TDRD15: variants seen among roughly 807,000 people sequenced by gnomAD.
TDRD15 encodes tudor domain containing 15.
For synonymous variants in TDRD15, 503 were observed against 314.5 expected, an observed-to-expected ratio of 1.60 and a Z score of -6.34; for missense variants, 1,416 against 904.7, an observed-to-expected ratio of 1.57 and a Z score of -7.25.
At position 21,143,402 on chromosome 2, in the gene TDRD15, T is replaced by G; in HGVS notation, c.*130T>G. ...AAGAGGAAAGATGTCTGTAAGAACC[T>G]CTTAAGGAAAATTCGTATTAGTAAA... On this transcript the variant is annotated 3_prime_UTR_variant, in exon 4 of 4. Transcript: ENST00000405799. 2 of 456,274 alleles carry G rather than the reference T, an allele frequency of 4.4e-6. No homozygotes were observed. The highest frequency in any genetic ancestry group is 6.8e-5 in the East Asian group (2 of 29,582). The allele number at this position is 456,274 out of a possible 1,614,324, so 28.3% of individuals were successfully genotyped here. A position where few individuals can be genotyped will look rare whatever the true frequency, so the allele number is the denominator to read the frequency against.
In TDRD15 at chr2:21,140,522, A is replaced by G. The variant is rs569495116; in HGVS notation, c.3055A>G (p.Ile1019Val). ...KYDSNKMRVC[I>V]SKYVEDGLSY... ...TGATTCTAATAAAATGAGAGTGTGC[A>G]TATCTAAGTATGTAGAGGATGGTCT... Residue 1019 changes from isoleucine to valine, a missense_variant, in exon 4 of 4, where the codon ATA becomes GTA. Transcript: ENST00000405799. 2.9e-6 allele frequency: 2 copies of G among 695,048 alleles called. No individual in the cohort carries two copies. The highest frequency in any genetic ancestry group is 5.3e-6 in the Non-Finnish European group (2 of 377,472). The allele number at this position is 695,048 out of a possible 1,614,324, so 43.1% of individuals were successfully genotyped here.
chr2:21,143,758 CT>C lies in TDRD15; in HGVS notation c.*487del, dbSNP rs1466906168. The stretch of plus-strand genomic sequence containing the variant: ...TGATTCTTTAAAAGTTTTTCATGTA[CT>C]AACATCCAAATTGAAAATATGTTGC... On this transcript the variant is annotated 3_prime_UTR_variant, in exon 4 of 4. Coordinates refer to ENST00000405799, the MANE Select transcript of TDRD15 (RefSeq NM_001306137.2). 6.6e-6 allele frequency among the ~76,000 whole-genome samples: 1 copy of C among 151,608 alleles called. No individual in the cohort carries two copies. Among genetic ancestry groups the C allele is most frequent in the Non-Finnish European group, 1.5e-5 (1 of 67,680 alleles).
rs1665529775 is a variant in TDRD15, at chr2:21,124,029, C to T, written c.-218C>T. ...CCAGCTCTGGGAAGAGCGGCCTGAC[C>T]CGCAGCAGAGATTCTTGGTAAACCC... is the stretch of plus-strand genomic sequence containing the variant. On this transcript the variant is annotated 5_prime_UTR_variant, in exon 1 of 4. Transcript: ENST00000405799. The T allele has an allele frequency of 1.3e-5, 2 of 152,348 alleles. No homozygotes were observed. Among genetic ancestry groups the T allele is most frequent in the African/African-American group, 4.8e-5 (2 of 41,422 alleles). 9.4% of individuals were successfully genotyped at this position (152,348 alleles called of 1,614,324 possible).
At chr2:21,124,760 CA>C (rs1195997490) in intron 1 of TDRD15, among the ~76,000 whole-genome samples, 5 of 96,052 alleles carry the variant, frequency 5.2e-5, no homozygotes. Flanking sequence ...GTGTGTGTGA[CA>C]GGGTGATCCT....
chr2:21,139,703 C>T lies in TDRD15; in HGVS notation c.2236C>T (p.Pro746Ser). 1 of 714,836 alleles carries T rather than the reference C, an allele frequency of 1.4e-6. No homozygotes were observed. Among genetic ancestry groups the T allele is most frequent in the Middle Eastern group, 2.3e-4 (1 of 4,342 alleles). 44.3% of individuals were successfully genotyped at this position (714,836 alleles called of 1,614,324 possible). A position where few individuals can be genotyped will look rare whatever the true frequency, so the allele number is the denominator to read the frequency against. The part of the protein sequence containing the change: ...TLSVGPESSW[P>S]YKEYIFRPGT... ...GTCTGTGGGACCTGAGTCATCCTGG[C>T]CTTATAAAGAATATATTTTTAGACC... Residue 746 changes from proline to serine, a missense_variant, in exon 4 of 4, where the codon CCT (proline) becomes TCT (serine). Coordinates refer to ENST00000405799, the MANE Select transcript of TDRD15 (RefSeq NM_001306137.2).
At chr2:21,135,963 G>A (rs1033577333) in intron 3 of TDRD15, among the ~76,000 whole-genome samples, 1 of 151,958 alleles carries the variant, frequency 6.6e-6, no homozygotes. Flanking sequence ...TACCACCTCT[G>A]TTTAATGAAG....
At chr2:21,133,626 A>T (rs1373773569) in intron 2 of TDRD15, among the ~76,000 whole-genome samples, 1 of 152,128 alleles carries the variant, frequency 6.6e-6, no homozygotes, top group Non-Finnish European at 1.5e-5. Flanking sequence ...AGATCAGTTA[A>T]ACTAGTGTAC....
In TDRD15 at chr2:21,142,550, C is replaced by G; in HGVS notation, c.5083C>G (p.Pro1695Ala). Reference protein sequence around the residue: ...LLEYLNLNTVPVEENKLRLAE... With the variant: ...LLEYLNLNTVAVEENKLRLAE... ...GGAATACTTAAATTTGAATACAGTT[C>G]CTGTTGAAGAAAACAAACTTAGACT... Residue 1695 changes from proline (P) to alanine (A), a missense_variant, in exon 4 of 4, where the codon CCT (proline) becomes GCT (alanine). Coordinates refer to ENST00000405799, the MANE Select transcript of TDRD15 (RefSeq NM_001306137.2). 1 of 705,422 alleles carries G rather than the reference C, an allele frequency of 1.4e-6. No homozygotes were observed. The highest frequency in any genetic ancestry group is 2.6e-6 in the Non-Finnish European group (1 of 380,914). 43.7% of individuals were successfully genotyped at this position (705,422 alleles called of 1,614,324 possible).
At chr2:21,145,002 A>G (rs1030816554), downstream of TDRD15, among the ~76,000 whole-genome samples, 4 of 151,880 alleles carry the variant, frequency 2.6e-5, no homozygotes, top group Non-Finnish European at 5.9e-5. Flanking sequence ...AGGCTAATCT[A>G]ACATATGTCT....
downstream of TDRD15, among the ~76,000 whole-genome samples, chr2:21,145,071 G>A (rs1199365488): frequency 6.6e-6 from 1 of 151,912 alleles, no homozygotes; most frequent in East Asian, 1.9e-4. Flanking sequence ...TAAGTCAGAA[G>A]AGCAAAGAGG....
At chr2:21,146,035 G>A (rs757414949), downstream of TDRD15, among the ~76,000 whole-genome samples, 1 of 152,010 alleles carries the variant, frequency 6.6e-6, no homozygotes, top group Non-Finnish European at 1.5e-5. Context: ...ACTAATGGGT[G>A]TTTAAAGCTC....
At chr2:21,127,961 G>A (rs950302326) in intron 2 of TDRD15, among the ~76,000 whole-genome samples, 1 of 152,052 alleles carries the variant, frequency 6.6e-6, no homozygotes, top group African/African-American at 2.4e-5. Flanking sequence ...AATTTTGTAA[G>A]TGTTTCAACA....
rs1038936158 is a variant in TDRD15, at chr2:21,138,649, G to C, written c.1182G>C (p.Glu394Asp). The C allele has an allele frequency of 1.4e-6, 1 of 714,684 alleles. No homozygotes were observed. Among genetic ancestry groups the C allele is most frequent in the Non-Finnish European group, 2.6e-6 (1 of 383,852 alleles). 44.3% of individuals were successfully genotyped at this position (714,684 alleles called of 1,614,324 possible). ...ACATTGATTGGTTCAATAAGGATGA[G>C]TGTTTGTATTATGTGACATTACAAA... ...YAHIDWFNKD[E>D]CLYYVTLQTQ... Residue 394 changes from glutamate (E) to aspartate (D), a missense_variant, in exon 4 of 4, where the codon GAG becomes GAC. By Grantham distance (45) the Glu-to-Asp change is conservative. Coordinates refer to ENST00000405799, the MANE Select transcript of TDRD15 (RefSeq NM_001306137.2).
At chr2:21,144,656 G>T (rs1666004670), downstream of TDRD15, among the ~76,000 whole-genome samples, 1 of 151,818 alleles carries the variant, frequency 6.6e-6, no homozygotes, top group South Asian at 2.1e-4. Context: ...CTCATTTAAT[G>T]CTCATTACAA....
At chr2:21,135,724 G>A (rs959207750) in intron 3 of TDRD15, among the ~76,000 whole-genome samples, 1 of 151,900 alleles carries the variant, frequency 6.6e-6, no homozygotes, top group Non-Finnish European at 1.5e-5. Context: ...CCCACACCCG[G>A]GTTGGGGTGT....
chr2:21,138,762 A>G lies in TDRD15; in HGVS notation c.1295A>G (p.Asn432Ser), dbSNP rs1469691498. The change falls in exon 4 of 4, where the codon AAT becomes AGT. Residue 432 changes from asparagine to serine, a missense_variant. Coordinates refer to ENST00000405799, the MANE Select transcript of TDRD15 (RefSeq NM_001306137.2). ...LCPMSDSKIS[N>S]ILSETSVSDV... ...CCGATGTCTGATTCAAAAATCTCCA[A>G]TATCTTGAGTGAGACAAGTGTGTCT... The G allele has an allele frequency of 1.4e-5, 10 of 715,550 alleles. No homozygotes were observed. Among genetic ancestry groups the G allele is most frequent in the Middle Eastern group, 2.3e-4 (1 of 4,368 alleles). The allele number at this position is 715,550 out of a possible 1,614,324, so 44.3% of individuals were successfully genotyped here. A position where few individuals can be genotyped will look rare whatever the true frequency, so the allele number is the denominator to read the frequency against.
chr2:21,142,121 A>T lies in TDRD15; in HGVS notation c.4654A>T (p.Ile1552Phe), dbSNP rs527812154. 7.2e-5 allele frequency: 49 copies of T among 679,902 alleles called. No individual in the cohort carries two copies. Among genetic ancestry groups the T allele is most frequent in the African/African-American group, 3.3e-4 (18 of 54,802 alleles). The allele number at this position is 679,902 out of a possible 1,614,324, so 42.1% of individuals were successfully genotyped here. A position where few individuals can be genotyped will look rare whatever the true frequency, so the allele number is the denominator to read the frequency against. Residue 1552 changes from isoleucine to phenylalanine, a missense_variant, in exon 4 of 4, where the codon ATT (isoleucine) becomes TTT (phenylalanine). By Grantham distance (21) the Ile-to-Phe change is conservative. Transcript: ENST00000405799. ...FYVKLSKNKK[I>F]LSDLIVLITK... The stretch of plus-strand genomic sequence containing the variant: ...TGTGAAGTTATCCAAAAATAAAAAA[A>T]TTTTATCAGATTTAATAGTATTAAT...
rs776764574 is a variant in TDRD15 at position 21,141,000 on chromosome 2, G to T, written c.3533G>T (p.Arg1178Leu). The T allele has an allele frequency of 2.8e-6, 2 of 713,296 alleles. No homozygotes were observed. The highest frequency in any genetic ancestry group is 5.2e-6 in the Non-Finnish European group (2 of 383,210). The allele number at this position is 713,296 out of a possible 1,614,324, so 44.2% of individuals were successfully genotyped here. The change falls in exon 4 of 4, where the codon CGC (arginine) becomes CTC (leucine). Residue 1178 changes from arginine to leucine, a missense_variant. Arg to Leu is a moderately radical substitution (Grantham distance 102). Coordinates refer to ENST00000405799, the MANE Select transcript of TDRD15 (RefSeq NM_001306137.2). ...SLKGKTGNNY[R>L]HNVINKPSPV... ...AAAGGCAAAACAGGAAACAACTATCGCCATAATGTGATAAATAAACCTAGT... is the reference window on the plus strand; with the variant it reads ...AAAGGCAAAACAGGAAACAACTATCTCCATAATGTGATAAATAAACCTAGT...
chr2:21,137,045 G>T (rs1665821235), intron 3 of TDRD15, among the ~76,000 whole-genome samples: 1 of 152,026 alleles, frequency 6.6e-6, no homozygotes, highest in Non-Finnish European at 1.5e-5. Context: ...GTTATAGGTT[G>T]TTGGAAAGAG....
Sources: allele counts gnomAD v4.1 joint callset (sites outside exome capture counted in the v4.1 genomes callset), GRCh38; gene constraint gnomAD v4.1.1; transcripts MANE v1.5; gene names NCBI Gene and HGNC (gene_info 2026-07-23, HGNC 2026-07-21).